The following ARID4B variants were observed in gnomAD, a reference collection of about 807,000 sequenced individuals.
ARID4B encodes AT-rich interactive domain-containing protein 4B.
In ARID4B, 26 loss-of-function variants were observed where a neutral mutation model predicts 147.5. That is an observed-to-expected ratio of 0.18 (90% CI 0.13 to 0.24). The LOEUF (loss-of-function observed/expected upper bound fraction) is 0.24. Ranked by LOEUF, ARID4B falls within the 10% of genes least tolerant of loss-of-function variation. The pLI is 1.00. For missense variants in ARID4B, 1,179 were observed against 1,511.5 expected (o/e 0.78, Z 3.65); for synonymous variants, 512 against 507.9 (o/e 1.01, Z -0.11).
chr1:235,296,844 A>AG lies in ARID4B; in HGVS notation c.6+30069dup, dbSNP rs1553313980. ...AAGGAAGGAAGGAAGGAAGGGAGGA[A>AG]GGAGGGAGGGAAGGAAGGGAGAGAG... On this transcript the variant is annotated intron_variant, in intron 2 of 23. Coordinates refer to ENST00000264183, the MANE Select transcript of ARID4B (RefSeq NM_016374.6). 5.8e-3 allele frequency among the ~76,000 whole-genome samples: 97 copies of AG among 16,820 alleles called. 1 individual carries two copies. Among genetic ancestry groups the AG allele is most frequent in the East Asian group, 0.011 (4 of 380 alleles). The allele number at this position is 16,820 out of a possible 152,430, so 11.0% of individuals were successfully genotyped here.
chr1:235,178,474 T>C (rs1483209664), intron 20 of ARID4B, among the ~76,000 whole-genome samples: 5 of 152,280 alleles, frequency 3.3e-5, no homozygotes, highest in East Asian at 1.9e-4. Flanking sequence ...AAATCCAACA[T>C]AGTAGTTCTA....
chr1:235,295,687 A>G (rs1167240182), intron 2 of ARID4B, among the ~76,000 whole-genome samples: 1 of 146,738 alleles, frequency 6.8e-6, no homozygotes, highest in African/African-American at 2.5e-5. Context: ...GAGGGTGCCT[A>G]TAATCCCAGC....
At chr1:235,236,840 A>ATGTG (rs1553299984) in intron 8 of ARID4B, among the ~76,000 whole-genome samples, 6 of 29,650 alleles carry the variant, frequency 2.0e-4, no homozygotes, top group African/African-American at 6.2e-4. Context: ...AAAAATATAT[A>ATGTG]TATATATATA....
intron 20 of ARID4B, among the ~76,000 whole-genome samples, chr1:235,179,764 C>G (rs970627376): frequency 6.6e-6 from 1 of 151,460 alleles, no homozygotes; most frequent in Non-Finnish European, 1.5e-5. Flanking sequence ...AATAAGGATA[C>G]AACCTCTTAA....
At chr1:235,287,145 G>C (rs1672026849) in intron 2 of ARID4B, among the ~76,000 whole-genome samples, 1 of 152,182 alleles carries the variant, frequency 6.6e-6, no homozygotes, top group South Asian at 2.1e-4. Context: ...TGTAGTCCCA[G>C]ACACTCAGGA....
intron 20 of ARID4B, 112 bp from the exon 21 acceptor site, chr1:235,178,025 G>A (rs996646944): frequency 3.7e-6 from 2 of 542,702 alleles, no homozygotes; most frequent in African/African-American, 3.9e-5. Flanking sequence ...TGTTCTTTAT[G>A]ACATTTATAA....
rs963462069 is a variant in ARID4B, at chr1:235,182,169, T to C, written c.2750A>G (p.Gln917Arg). 6.2e-7 allele frequency: 1 copy of C among 1,614,256 alleles called. No individual in the cohort carries two copies. The highest frequency in any genetic ancestry group is 8.5e-7 in the Non-Finnish European group (1 of 1,180,048). The stretch of plus-strand genomic sequence containing the variant: ...TTTTCGATCTTTGGCCCTGCTGTTT[T>C]GAAGTCTTTCATCAGAGTTATTTAA... ...KLLNNSDERL[Q>R]NSRAKDRKDV... Residue 917 changes from glutamine (Q) to arginine (R), a missense_variant, in exon 20 of 24, where the codon CAA (glutamine) becomes CGA (arginine). Transcript: ENST00000264183.
chr1:235,192,569 AAC>A lies in ARID4B; in HGVS notation c.2125+1442_2125+1443del, dbSNP rs1665186583. ...GTTTATAAAATAATGAGTTAATATA[AAC>A]ACACATCTACAATAAGAAACAAAAA... On this transcript the variant is annotated intron_variant, in intron 19 of 23. Coordinates refer to ENST00000264183, the MANE Select transcript of ARID4B (RefSeq NM_016374.6). 4.6e-5 allele frequency among the ~76,000 whole-genome samples: 7 copies of A among 151,636 alleles called. No individual in the cohort carries two copies. The South Asian group carries it at 1.2e-3, about 27-fold the overall frequency.
intron 18 of ARID4B, 81 bp from the exon 19 acceptor site, chr1:235,194,292 T>C (rs1665336193): frequency 1.0e-6 from 1 of 976,812 alleles, no homozygotes; most frequent in Admixed American, 2.5e-5. Flanking sequence ...TTTAACTCAC[T>C]ATTACAGAAT....
chr1:235,190,118 T>C (rs1440319088), intron 19 of ARID4B: 10 of 154,072 alleles, frequency 6.5e-5, no homozygotes, highest in Middle Eastern at 1.1e-3. Flanking sequence ...TGTAGATATA[T>C]TTCAGAGTTA....
chr1:235,186,128 C>T (rs578000385), intron 19 of ARID4B, among the ~76,000 whole-genome samples: 81 of 152,066 alleles, frequency 5.3e-4, no homozygotes, highest in Non-Finnish European at 1.0e-3. Flanking sequence ...TGCCACCACA[C>T]CCAGCTAATT....
intron 2 of ARID4B, among the ~76,000 whole-genome samples, chr1:235,318,864 G>C (rs1347911460): frequency 6.6e-6 from 1 of 151,958 alleles, no homozygotes; most frequent in Non-Finnish European, 1.5e-5. Context: ...CTGGGTGACA[G>C]AATCAAAACT....
chr1:235,300,119 G>C (rs1374896181), intron 2 of ARID4B, among the ~76,000 whole-genome samples: 1 of 152,056 alleles, frequency 6.6e-6, no homozygotes, highest in East Asian at 1.9e-4. Flanking sequence ...GTGACTGTCA[G>C]AAAAACAGGC....
intron 20 of ARID4B, 85 bp downstream of exon 20, chr1:235,181,500 G>A: frequency 2.7e-6 from 4 of 1,486,750 alleles, no homozygotes; most frequent in Non-Finnish European, 3.6e-6. Flanking sequence ...ATCGCCTCAG[G>A]TTATAACAAG....
At chr1:235,230,529 T>G (rs570254209) in intron 10 of ARID4B, among the ~76,000 whole-genome samples, 3 of 149,008 alleles carry the variant, frequency 2.0e-5, no homozygotes, top group Non-Finnish European at 4.4e-5. Flanking sequence ...AAAAGCTAGA[T>G]TATAGTAACA....
chr1:235,181,888 A>G lies in ARID4B; in HGVS notation c.3031T>C (p.Phe1011Leu), dbSNP rs1664335322. 1.9e-6 allele frequency: 3 copies of G among 1,614,138 alleles called. No homozygotes were observed. The highest frequency in any genetic ancestry group is 1.1e-5 in the South Asian group (1 of 91,084). ...ACTGAATTACTGCCACTACTTGGAA[A>G]TTCTGCTTTTCTGTCATTGACCTCT... ...TVEVNDRKAEFPSSGSNSVLN... is the reference protein window; with the variant it reads ...TVEVNDRKAELPSSGSNSVLN... Residue 1011 changes from phenylalanine (F) to leucine (L), a missense_variant, in exon 20 of 24, where the codon TTT becomes CTT. Physicochemically the swap from Phe to Leu is conservative, Grantham distance 22. Coordinates refer to ENST00000264183, the MANE Select transcript of ARID4B (RefSeq NM_016374.6).
intron 4 of ARID4B, among the ~76,000 whole-genome samples, chr1:235,256,446 TG>T (rs1392228258): frequency 6.6e-6 from 1 of 152,172 alleles, no homozygotes; most frequent in Non-Finnish European, 1.5e-5. Context: ...AAAATTGCTC[TG>T]GGGTTTCCTT....
chr1:235,175,434 T>A, intron 21 of ARID4B, 35 bp from the exon 22 acceptor site: 1 of 1,525,494 alleles, frequency 6.6e-7, no homozygotes, highest in Non-Finnish European at 9.0e-7. Flanking sequence ...TAAACAAAAA[T>A]GTAACAATAA....
At chr1:235,222,032 C>T (rs1667507777) in intron 13 of ARID4B, among the ~76,000 whole-genome samples, 1 of 151,106 alleles carries the variant, frequency 6.6e-6, no homozygotes. Flanking sequence ...GACTCAACAA[C>T]CCAAGTAGCT....
Sources: allele counts gnomAD v4.1 joint callset (sites outside exome capture counted in the v4.1 genomes callset), GRCh38; gene constraint gnomAD v4.1.1; transcripts MANE v1.5; gene names NCBI Gene and HGNC (gene_info 2026-07-23, HGNC 2026-07-21).